TMEM245: variants seen among roughly 807,000 people sequenced by gnomAD.
TMEM245 encodes protein CG-2.
TMEM245 carries 69 observed loss-of-function variants against 101.2 expected under a neutral mutation model. The ratio of observed to expected loss-of-function variants is 0.68; its 90% confidence interval spans 0.56 to 0.83. The LOEUF is 0.83. TMEM245 is among the 40% of genes least tolerant of loss of function. The pLI is 0.00. For missense variants in TMEM245, 1,075 were observed against 1,092.8 expected (o/e 0.98, Z 0.23); for synonymous variants, 537 against 449.8 (o/e 1.19, Z -2.45).
At chr9:109,055,929 C>T (rs78484840) in intron 12 of TMEM245, among the ~76,000 whole-genome samples, 8,927 of 152,154 alleles carry the variant, frequency 0.059, 440 homozygotes, top group East Asian at 0.18. Context: ...CCACCACGCC[C>T]GGCCTCAATC....
In TMEM245 at chr9:109,032,737, G is replaced by A. The variant is rs375280903; in HGVS notation, c.2594+570C>T. On this transcript the variant is annotated intron_variant, in intron 17 of 17. Coordinates refer to ENST00000374586, the MANE Select transcript of TMEM245 (RefSeq NM_032012.4). ...CTTTCAATCTGGTATACCATGTCCCGCATAGAATTAGATTTTTTAAATTTA... is the reference window on the plus strand; with the variant it reads ...CTTTCAATCTGGTATACCATGTCCCACATAGAATTAGATTTTTTAAATTTA... Among the ~76,000 whole-genome samples, 58 of 150,092 alleles carry A rather than the reference G, an allele frequency of 3.9e-4. No homozygotes were observed. The East Asian group carries it at 9.8e-3, about 25-fold the overall frequency.
intron 16 of TMEM245, among the ~76,000 whole-genome samples, chr9:109,034,105 A>G (rs150738628): frequency 6.6e-6 from 1 of 152,362 alleles, no homozygotes; most frequent in African/African-American, 2.4e-5. Context: ...CACTTATGTA[A>G]GCGGAATGAA....
chr9:109,084,270 A>C (rs961774599), intron 7 of TMEM245, among the ~76,000 whole-genome samples: 15 of 152,162 alleles, frequency 9.9e-5, no homozygotes, highest in African/African-American at 3.6e-4. Flanking sequence ...ATGTAATGTA[A>C]TAAAATAGTT....
At chr9:109,109,207 A>C (rs1225043419) in intron 1 of TMEM245, among the ~76,000 whole-genome samples, 1 of 152,192 alleles carries the variant, frequency 6.6e-6, no homozygotes, top group East Asian at 1.9e-4. Flanking sequence ...ACTTCAGAAC[A>C]GAAGAATCAG....
chr9:109,067,761 A>G (rs1247229316), intron 9 of TMEM245, among the ~76,000 whole-genome samples: 1 of 152,154 alleles, frequency 6.6e-6, no homozygotes, highest in Non-Finnish European at 1.5e-5. Flanking sequence ...TAATCTGTCT[A>G]ATTTACCCAC....
At chr9:109,032,611 C>G (rs1465461568) in intron 17 of TMEM245, among the ~76,000 whole-genome samples, 1 of 151,104 alleles carries the variant, frequency 6.6e-6, no homozygotes. Context: ...TGGTCTCAAA[C>G]TCCTGACTTC....
chr9:109,073,423 C>A lies in TMEM245; in HGVS notation c.1465G>T (p.Val489Leu), dbSNP rs866023569. 3 of 1,610,738 alleles carry A rather than the reference C, an allele frequency of 1.9e-6. No homozygotes were observed. The Middle Eastern group carries it at 5.0e-4, about 266-fold the overall frequency. The change falls in exon 9 of 18, where the codon GTA (valine) becomes TTA (leucine). Residue 489 changes from valine to leucine, a missense_variant. Val to Leu is a conservative substitution (Grantham distance 32). Around this residue, in one of 2 missense-constraint regions of TMEM245, gnomAD observed 808 missense variants for 741.5 expected, o/e 1.09. Coordinates refer to ENST00000374586, the MANE Select transcript of TMEM245 (RefSeq NM_032012.4). ...LLTAKVHQES[V>L]HMIEVTSNLI... is the part of the protein sequence containing the mutation. ...TTACTTGTGACTTCAATCATGTGTA[C>A]ACTCTCTTGATGTACCTGTATTACA...
chr9:109,025,603 T>C (rs571860168), intron 17 of TMEM245, among the ~76,000 whole-genome samples: 64 of 152,316 alleles, frequency 4.2e-4, no homozygotes, highest in African/African-American at 1.5e-3. Context: ...CTGGGACATA[T>C]GCCTTACAGG....
intron 9 of TMEM245, among the ~76,000 whole-genome samples, chr9:109,066,182 G>A (rs954904776): frequency 6.6e-6 from 1 of 152,138 alleles, no homozygotes; most frequent in Non-Finnish European, 1.5e-5. Context: ...AGGCCAGCAC[G>A]CTGGCTCATG....
chr9:109,093,218 G>T, intron 4 of TMEM245, among the ~76,000 whole-genome samples: 1 of 151,994 alleles, frequency 6.6e-6, no homozygotes, highest in South Asian at 2.1e-4. Flanking sequence ...AGAAAAATAA[G>T]AAAAGCCTTT....
chr9:109,044,525 G>C (rs973444141), intron 14 of TMEM245, among the ~76,000 whole-genome samples: 9 of 152,136 alleles, frequency 5.9e-5, no homozygotes, highest in African/African-American at 1.9e-4. Flanking sequence ...CCCCTTCCCA[G>C]TATTCTAGCC....
At chr9:109,101,362 G>A (rs1273977057) in intron 3 of TMEM245, among the ~76,000 whole-genome samples, 1 of 152,106 alleles carries the variant, frequency 6.6e-6, no homozygotes, top group Non-Finnish European at 1.5e-5. Flanking sequence ...ACACTGTTGT[G>A]GCAGTATACT....
At position 109,073,415 on chromosome 9, in the gene TMEM245, C is replaced by A. The variant is rs369275130; in HGVS notation, c.1473G>T (p.Met491Ile). The A allele has an allele frequency of 6.2e-7, 1 of 1,611,888 alleles. No homozygotes were observed. Among genetic ancestry groups the A allele is most frequent in the Non-Finnish European group, 8.5e-7 (1 of 1,179,010 alleles). Residue 491 changes from methionine to isoleucine, a missense_variant, in exon 9 of 18, where the codon ATG (methionine) becomes ATT (isoleucine). Physicochemically the swap from Met to Ile is conservative, Grantham distance 10 (BLOSUM62 1). Coordinates refer to ENST00000374586, the MANE Select transcript of TMEM245 (RefSeq NM_032012.4). ...TAKVHQESVH[M>I]IEVTSNLINE... is the part of the protein sequence containing the mutation. ...TAATCAAATTACTTGTGACTTCAAT[C>A]ATGTGTACACTCTCTTGATGTACCT...
chr9:109,067,690 G>A (rs937471823), intron 9 of TMEM245, among the ~76,000 whole-genome samples: 4 of 152,112 alleles, frequency 2.6e-5, no homozygotes, highest in East Asian at 1.9e-4. Flanking sequence ...AACAACTGCC[G>A]AAGACAAGAA....
intron 11 of TMEM245, 92 bp from the exon 12 acceptor site, chr9:109,057,414 T>C: frequency 6.9e-7 from 1 of 1,440,428 alleles, no homozygotes. Context: ...GTCCCCTTCA[T>C]CACTTCAGTA....
chr9:109,074,980 T>A (rs1232929646), intron 8 of TMEM245, among the ~76,000 whole-genome samples: 1 of 152,102 alleles, frequency 6.6e-6, no homozygotes, highest in Non-Finnish European at 1.5e-5. Flanking sequence ...GGCTAGCATT[T>A]TGTGGGATAT....
intron 4 of TMEM245, 29 bp from the exon 5 acceptor site, chr9:109,091,184 C>T: frequency 6.3e-7 from 1 of 1,576,012 alleles, no homozygotes; most frequent in South Asian, 1.1e-5. Context: ...ACACCACACA[C>T]CGCATTAGTC....
chr9:109,040,433 T>A (rs1470246981), intron 14 of TMEM245, among the ~76,000 whole-genome samples: 5 of 152,212 alleles, frequency 3.3e-5, no homozygotes, highest in Non-Finnish European at 7.3e-5. Context: ...TAACCATCAT[T>A]ACAATCAAGA....
In TMEM245 at chr9:109,084,083, T is replaced by TA. The variant is rs1438241022; in HGVS notation, c.1344+1913_1344+1914insT. Reference sequence around the variant, plus strand: ...GACAGAGTGAGATCCTGTCTCAAATTTAAAAAAAAAAAAAGGAAAAGAAAT... The same window carrying TA: ...GACAGAGTGAGATCCTGTCTCAAATTATAAAAAAAAAAAAAGGAAAAGAAAT... On this transcript the variant is annotated intron_variant, in intron 7 of 17. Transcript: ENST00000374586. 5.3e-5 allele frequency among the ~76,000 whole-genome samples: 5 copies of TA among 93,594 alleles called. No homozygotes were observed. In the South Asian group the frequency reaches 2.3e-3, roughly 42 times the overall value. 61.4% of individuals were successfully genotyped at this position (93,594 alleles called of 152,430 possible). A position where few individuals can be genotyped will look rare whatever the true frequency, so the allele number is the denominator to read the frequency against.
Sources: allele counts gnomAD v4.1 joint callset (sites outside exome capture counted in the v4.1 genomes callset), GRCh38; gene constraint gnomAD v4.1.1; regional missense constraint gnomAD v4.1.1; transcripts MANE v1.5; gene names NCBI Gene and HGNC (gene_info 2026-07-23, HGNC 2026-07-21).